The following PTPRE variants were observed in gnomAD, a reference collection of about 807,000 sequenced individuals.
The protein encoded by PTPRE is receptor-type tyrosine-protein phosphatase epsilon.
Under a neutral mutation model 102.0 loss-of-function variants are expected in PTPRE, and 51 were observed. The ratio of observed to expected loss-of-function variants is 0.50; its 90% confidence interval spans 0.40 to 0.63. PTPRE has a LOEUF of 0.63. Ranked by LOEUF, PTPRE falls within the 30% of genes least tolerant of loss-of-function variation. PTPRE has a pLI of 0.00. For missense variants in PTPRE, 752 were observed against 915.1 expected, an observed-to-expected ratio of 0.82 and a Z score of 2.30; for synonymous variants, 345 against 348.2, an observed-to-expected ratio of 0.99 and a Z score of 0.10.
At chr10:128,011,572 G>A (rs1845016135) in intron 2 of PTPRE, among the ~76,000 whole-genome samples, 1 of 152,254 alleles carries the variant, frequency 6.6e-6, no homozygotes, top group Non-Finnish European at 1.5e-5. Context: ...GCGCGGAAGC[G>A]TCCCCGTAGC....
chr10:128,033,044 C>CG (rs1846904584), intron 2 of PTPRE, among the ~76,000 whole-genome samples: 1 of 152,108 alleles, frequency 6.6e-6, no homozygotes, highest in Admixed American at 6.5e-5. Flanking sequence ...CTAACTACCT[C>CG]GGGGGCTGTA....
chr10:128,063,902 AAAG>A (rs1457484711), intron 10 of PTPRE, among the ~76,000 whole-genome samples: 7 of 152,164 alleles, frequency 4.6e-5, no homozygotes, highest in South Asian at 2.1e-4. Flanking sequence ...CTCCAGAATG[AAAG>A]AAGAACTGGG....
intron 2 of PTPRE, among the ~76,000 whole-genome samples, chr10:127,989,946 G>T (rs894173932): frequency 1.3e-5 from 2 of 152,118 alleles, no homozygotes; most frequent in South Asian, 4.1e-4. Flanking sequence ...AGGGTTTATC[G>T]GGTTTATCAG....
At chr10:127,919,777 C>T (rs770393016) in intron 1 of PTPRE, among the ~76,000 whole-genome samples, 1 of 152,122 alleles carries the variant, frequency 6.6e-6, no homozygotes, top group Non-Finnish European at 1.5e-5. Flanking sequence ...AAGGCAGTAG[C>T]GTGTGGAAAC....
chr10:128,048,117 A>G lies in PTPRE; in HGVS notation c.283+280A>G, dbSNP rs533302069. On this transcript the variant is annotated intron_variant, in intron 5 of 20. Coordinates refer to ENST00000254667, the MANE Select transcript of PTPRE (RefSeq NM_006504.6). ...ATCCTGTCGTTTTCACAGGGTGTTG[A>G]CATGTAACACTTTTCAGTGAGGCCT... Among the ~76,000 whole-genome samples the G allele has an allele frequency of 7.2e-5, 11 of 152,134 alleles. No individual in the cohort carries two copies. In the South Asian group the frequency reaches 1.7e-3, roughly 23 times the overall value.
chr10:127,958,735 A>C (rs919680236), intron 1 of PTPRE, among the ~76,000 whole-genome samples: 1 of 152,106 alleles, frequency 6.6e-6, no homozygotes, highest in African/African-American at 2.4e-5. Context: ...CTATGCTTCT[A>C]TCTTTTGGAA....
intron 1 of PTPRE, among the ~76,000 whole-genome samples, chr10:127,936,522 TTC>T (rs1409656965): frequency 6.6e-6 from 1 of 152,190 alleles, no homozygotes; most frequent in Non-Finnish European, 1.5e-5. Flanking sequence ...CTCAACCTGC[TTC>T]TGTCTGGAAG....
intron 1 of PTPRE, among the ~76,000 whole-genome samples, chr10:127,908,964 T>C (rs1845678838): frequency 6.6e-6 from 1 of 152,188 alleles, no homozygotes; most frequent in Non-Finnish European, 1.5e-5. Flanking sequence ...TTGAGGGAAG[T>C]CGATGAGGGT....
At chr10:127,948,063 G>C (rs1848751887) in intron 1 of PTPRE, among the ~76,000 whole-genome samples, 3 of 152,156 alleles carry the variant, frequency 2.0e-5, no homozygotes, top group Admixed American at 1.3e-4. Flanking sequence ...TCCTAGGAGG[G>C]GTGAAGAGCT....
intron 7 of PTPRE, among the ~76,000 whole-genome samples, chr10:128,057,673 A>C (rs974779130): frequency 1.3e-5 from 2 of 152,224 alleles, no homozygotes; most frequent in African/African-American, 4.8e-5. Context: ...AAATTCATCA[A>C]ATAGTCTTTC....
At chr10:127,997,075 A>C (rs1057391158) in intron 2 of PTPRE, among the ~76,000 whole-genome samples, 4 of 152,222 alleles carry the variant, frequency 2.6e-5, no homozygotes, top group African/African-American at 7.2e-5. Context: ...TAACTTAATG[A>C]ATTTGGGCCG....
chr10:128,022,600 C>A (rs564619684), intron 2 of PTPRE, among the ~76,000 whole-genome samples: 2 of 152,324 alleles, frequency 1.3e-5, no homozygotes, highest in African/African-American at 4.8e-5. Flanking sequence ...CTGCCCTGCA[C>A]CTCCAGAGGC....
intron 1 of PTPRE, among the ~76,000 whole-genome samples, chr10:127,914,467 T>C (rs1395956824): frequency 1.3e-5 from 2 of 152,196 alleles, no homozygotes; most frequent in Admixed American, 1.3e-4. Flanking sequence ...CCACTTGTTA[T>C]AAAACACACT....
At chr10:127,937,613 C>T (rs891070295) in intron 1 of PTPRE, among the ~76,000 whole-genome samples, 3 of 150,662 alleles carry the variant, frequency 2.0e-5, no homozygotes, top group Non-Finnish European at 4.5e-5. Context: ...AATCCCAGCA[C>T]TTTGGGAGGT....
chr10:127,984,094 T>C (rs1370065108), intron 2 of PTPRE, among the ~76,000 whole-genome samples: 3 of 150,712 alleles, frequency 2.0e-5, no homozygotes, highest in Non-Finnish European at 4.4e-5. Context: ...TTTTTTTTTT[T>C]TTTTGAGACA....
At position 128,071,256 on chromosome 10, in the gene PTPRE, A is replaced by G. The variant is rs111807342; in HGVS notation, c.1387+355A>G. On this transcript the variant is annotated intron_variant, in intron 15 of 20. Coordinates refer to ENST00000254667, the MANE Select transcript of PTPRE (RefSeq NM_006504.6). Reference sequence around the variant, plus strand: ...CCTTGTCTCATTCCTTGTCTCCCCAAGCCTGGGCAGAGGCCCGCCTCCCCC... The same window carrying G: ...CCTTGTCTCATTCCTTGTCTCCCCAGGCCTGGGCAGAGGCCCGCCTCCCCC... 1.7e-3 allele frequency: 534 copies of G among 317,380 alleles called. 3 individuals are homozygous for G. Among genetic ancestry groups the G allele is most frequent in the African/African-American group, 0.01 (480 of 47,338 alleles). 19.7% of individuals were successfully genotyped at this position (317,380 alleles called of 1,614,324 possible). A position where few individuals can be genotyped will look rare whatever the true frequency, so the allele number is the denominator to read the frequency against.
At position 127,944,466 on chromosome 10, in the gene PTPRE, A is replaced by AGACGGACG. The variant is rs57640027; in HGVS notation, c.-31+37163_-31+37164insCGGACGGA. Among the ~76,000 whole-genome samples, 18 of 74,032 alleles carry AGACGGACG rather than the reference A, an allele frequency of 2.4e-4. No individual in the cohort carries two copies. The highest frequency in any genetic ancestry group is 5.1e-4 in the Admixed American group (4 of 7,784). The allele number at this position is 74,032 out of a possible 152,430, so 48.6% of individuals were successfully genotyped here. On this transcript the variant is annotated intron_variant, in intron 1 of 20. Coordinates refer to ENST00000254667, the MANE Select transcript of PTPRE (RefSeq NM_006504.6). The surrounding 1 kb of genome is among the most constrained non-coding windows in gnomAD (Gnocchi z 4.2). ...TGGACAGATGGATGGATACATGGAC[A>AGACGGACG]GACGGATGGATGGATGGATGGATGG...
At chr10:128,050,636 T>C (rs1848499455) in intron 6 of PTPRE, among the ~76,000 whole-genome samples, 3 of 152,208 alleles carry the variant, frequency 2.0e-5, no homozygotes, top group Non-Finnish European at 4.4e-5. Context: ...TTAAAGAGGA[T>C]AGATTTTCAG....
At chr10:128,047,696 G>A (rs760882950) in intron 4 of PTPRE, 68 bp from the exon 5 acceptor site, 22 of 1,614,010 alleles carry the variant, frequency 1.4e-5, no homozygotes, top group Non-Finnish European at 1.8e-5. Flanking sequence ...GGGTATCACT[G>A]TGCCGAGCGC....
Sources: gnomAD v4.1 joint callset for allele counts (sites outside exome capture counted in the v4.1 genomes callset) on GRCh38, gnomAD v4.1.1 for gene constraint, Gnocchi (gnomAD v3.1) non-coding constraint, MANE v1.5 for transcripts, NCBI Gene and HGNC (gene_info 2026-07-23, HGNC 2026-07-21) for gene names.